Variants in SNRK observed in about 807,000 individuals in gnomAD.
The protein encoded by SNRK is SNF related kinase.
SNRK carries 3 observed loss-of-function variants against 48.2 expected under a neutral mutation model. The ratio of observed to expected loss-of-function variants is 0.06; its 90% CI spans 0.03 to 0.16. The LOEUF (loss-of-function observed/expected upper bound fraction) is 0.16. Ranked by LOEUF, SNRK falls within the 10% of genes least tolerant of loss-of-function variation. SNRK has a pLI of 1.00. For synonymous variants in SNRK, 376 were observed against 366.1 expected, an observed-to-expected ratio of 1.03 and a Z score of -0.31; for missense variants, 627 against 976.0, an observed-to-expected ratio of 0.64 and a Z score of 4.76.
chr3:43,347,936 G>A lies in SNRK; in HGVS notation c.1677G>A (p.Gly559=), dbSNP rs1340618507. The A allele has an allele frequency of 1.2e-6, 2 of 1,614,122 alleles. No homozygotes were observed. Among genetic ancestry groups the A allele is most frequent in the East Asian group, 2.2e-5 (1 of 44,862 alleles). Residue 559 remains glycine, a synonymous_variant, in exon 7 of 7, where the codon GGG becomes GGA. Transcript: ENST00000296088. The surrounding 1 kb of genome is among the most constrained non-coding windows in gnomAD (Gnocchi z 5.4). ...GGCGGCGGCTCGATAAAGATAGCGG[G>A]TTCACCTACTCCTGGCACCGACGGG... The part of the protein sequence containing the change: ...ESRRRLDKDS[G]FTYSWHRRDS...
intron 4 of SNRK, among the ~76,000 whole-genome samples, chr3:43,335,224 A>C (rs2091177396): frequency 6.6e-6 from 1 of 152,120 alleles, no homozygotes; most frequent in Admixed American, 6.5e-5. Flanking sequence ...TAAGGGTATA[A>C]ATTGCCTACT....
chr3:43,304,399 G>C (rs1011320194), intron 3 of SNRK, among the ~76,000 whole-genome samples: 3 of 152,180 alleles, frequency 2.0e-5, no homozygotes, highest in Non-Finnish European at 4.4e-5. Flanking sequence ...CTGACATACA[G>C]AGGCTTTCTG....
intron 2 of SNRK, among the ~76,000 whole-genome samples, chr3:43,301,676 AT>A (rs1195509120): frequency 6.6e-6 from 1 of 152,186 alleles, no homozygotes; most frequent in African/African-American, 2.4e-5. Context: ...TTTTTGGGAT[AT>A]TTTTATCTAA....
chr3:43,311,268 C>A (rs574725496), intron 3 of SNRK, among the ~76,000 whole-genome samples: 22 of 152,224 alleles, frequency 1.4e-4, no homozygotes, highest in African/African-American at 4.6e-4. Flanking sequence ...CTCAGTTAAT[C>A]CTTCTAATGG....
chr3:43,339,163 A>G (rs1259158878), intron 4 of SNRK, among the ~76,000 whole-genome samples: 3 of 152,238 alleles, frequency 2.0e-5, no homozygotes, highest in Non-Finnish European at 4.4e-5. Context: ...AGCTGAAAGC[A>G]CTATAAATTA....
intron 4 of SNRK, among the ~76,000 whole-genome samples, chr3:43,336,748 T>TTTTG (rs112892745): frequency 3.3e-5 from 5 of 151,712 alleles, no homozygotes; most frequent in East Asian, 3.9e-4. Flanking sequence ...TTTGTTTGTT[T>TTTTG]GTTTTGGTTT....
intron 6 of SNRK, among the ~76,000 whole-genome samples, chr3:43,344,150 T>C (rs1024725685): frequency 6.6e-6 from 1 of 152,176 alleles, no homozygotes; most frequent in Non-Finnish European, 1.5e-5. Flanking sequence ...TTACCACCAT[T>C]GTCTTCAATA....
At chr3:43,322,756 TC>T (rs1313082238) in intron 3 of SNRK, among the ~76,000 whole-genome samples, 1 of 151,708 alleles carries the variant, frequency 6.6e-6, no homozygotes, top group Admixed American at 6.6e-5. Context: ...ATCGAGACCA[TC>T]CTGGCTAACA....
chr3:43,342,552 GTTCA>G (rs1335941148), intron 5 of SNRK, among the ~76,000 whole-genome samples: 2 of 152,178 alleles, frequency 1.3e-5, no homozygotes, highest in African/African-American at 4.8e-5. Context: ...TTTCCTAAGT[GTTCA>G]TTGTGTGAGT....
intron 3 of SNRK, among the ~76,000 whole-genome samples, chr3:43,310,671 A>G (rs1400373927): frequency 6.6e-6 from 1 of 152,166 alleles, no homozygotes; most frequent in Non-Finnish European, 1.5e-5. Flanking sequence ...ATATATATTC[A>G]AAATCATTTT....
chr3:43,300,295 T>C (rs1213191080), intron 2 of SNRK, among the ~76,000 whole-genome samples: 1 of 152,144 alleles, frequency 6.6e-6, no homozygotes, highest in African/African-American at 2.4e-5. Context: ...GGTTTAATAG[T>C]ACTTATCTCT....
intron 3 of SNRK, among the ~76,000 whole-genome samples, chr3:43,306,302 T>C (rs2090937437): frequency 6.6e-6 from 1 of 152,186 alleles, no homozygotes; most frequent in African/African-American, 2.4e-5. Context: ...GTCAGTGATT[T>C]TTCACAAATG....
In SNRK at chr3:43,350,031, G is replaced by GT. The variant is rs2091311326; in HGVS notation, c.*1477dup. On this transcript the variant is annotated 3_prime_UTR_variant, in exon 7 of 7. Coordinates refer to ENST00000296088, the MANE Select transcript of SNRK (RefSeq NM_017719.5). ...AAAGAACTGCATTGCTGTGGTCACT[G>GT]TTTCTTCAAGTACACACTGACTCTG... The GT allele has an allele frequency of 6.6e-6, 1 of 152,184 alleles. No homozygotes were observed. The highest frequency in any genetic ancestry group is 1.5e-5 in the Non-Finnish European group (1 of 68,044). 9.4% of individuals were successfully genotyped at this position (152,184 alleles called of 1,614,324 possible). A position where few individuals can be genotyped will look rare whatever the true frequency, so the allele number is the denominator to read the frequency against.
At chr3:43,324,868 A>G (rs2091083058) in intron 3 of SNRK, among the ~76,000 whole-genome samples, 1 of 152,212 alleles carries the variant, frequency 6.6e-6, no homozygotes, top group Non-Finnish European at 1.5e-5. Context: ...TAAATTTGCT[A>G]TTTAAAGTTC....
intron 3 of SNRK, among the ~76,000 whole-genome samples, chr3:43,305,650 A>ATTT (rs543379874): frequency 7.4e-5 from 11 of 148,854 alleles, no homozygotes; most frequent in Admixed American, 5.4e-4. Flanking sequence ...CGCCTAGCTA[A>ATTT]TTTTTTTTTT....
intron 4 of SNRK, among the ~76,000 whole-genome samples, chr3:43,334,522 G>C (rs2091171853): frequency 6.7e-6 from 1 of 150,290 alleles, no homozygotes; most frequent in Non-Finnish European, 1.5e-5. Context: ...TTTCAGTTTT[G>C]CTAAGCTGTG....
At chr3:43,331,660 G>T (rs2091147454) in intron 3 of SNRK, among the ~76,000 whole-genome samples, 1 of 151,982 alleles carries the variant, frequency 6.6e-6, no homozygotes, top group African/African-American at 2.4e-5. Context: ...TATATTGATG[G>T]CCATGTTTCT....
intron 5 of SNRK, among the ~76,000 whole-genome samples, chr3:43,342,630 C>T (rs1057120054): frequency 2.0e-5 from 3 of 152,174 alleles, no homozygotes; most frequent in East Asian, 1.9e-4. Context: ...TTGTGGAATC[C>T]GCCAAAGCCA....
chr3:43,315,975 A>G (rs1436006335), intron 3 of SNRK, among the ~76,000 whole-genome samples: 13 of 152,194 alleles, frequency 8.5e-5, no homozygotes, highest in Admixed American at 8.5e-4. Flanking sequence ...ATAAGAAACA[A>G]ATATTTCTGA....
Sources: allele counts gnomAD v4.1 joint callset (sites outside exome capture counted in the v4.1 genomes callset), GRCh38; gene constraint gnomAD v4.1.1; non-coding constraint Gnocchi (gnomAD v3.1); transcripts MANE v1.5; gene names NCBI Gene and HGNC (gene_info 2026-07-23, HGNC 2026-07-21).